Variants in SIX3 observed in about 807,000 individuals in gnomAD.
SIX3 encodes the protein SIX homeobox 3.
SIX3 carries 2 observed loss-of-function variants against 21.7 expected under a neutral mutation model. The ratio of observed to expected loss-of-function variants is 0.09; its 90% CI spans 0.04 to 0.29. The LOEUF (loss-of-function observed/expected upper bound fraction) is 0.29, where lower values mean the gene tolerates loss of function less well. Ranked by LOEUF, SIX3 falls within the 10% of genes least tolerant of loss-of-function variation. SIX3 has a pLI of 1.00. For synonymous variants in SIX3, 243 were observed against 220.6 expected (o/e 1.10, Z -0.90); for missense variants, 347 against 480.7 (o/e 0.72, Z 2.60).
At position 44,945,018 on chromosome 2, in the gene SIX3, C is replaced by T; in HGVS notation, c.*258C>T. 1 of 566,362 alleles carries T rather than the reference C, an allele frequency of 1.8e-6. No homozygotes were observed. The highest frequency in any genetic ancestry group is 1.9e-5 in the African/African-American group (1 of 53,128). The allele number at this position is 566,362 out of a possible 1,614,324, so 35.1% of individuals were successfully genotyped here. ...AACCACCATCTACCACTACGGCCAC[C>T]CCAAAGGACCCCGACGCCAACAGAC... On this transcript the variant is annotated 3_prime_UTR_variant, in exon 2 of 2. Coordinates refer to ENST00000260653, the MANE Select transcript of SIX3 (RefSeq NM_005413.4).
At chr2:44,944,460 C>T (rs1237345156) in intron 1 of SIX3, 108 bp from the exon 2 acceptor site, 1 of 1,296,154 alleles carries the variant, frequency 7.7e-7, no homozygotes, top group East Asian at 2.5e-5. Context: ...CAGCCTCTAT[C>T]TGAGAAGACT....
Position 44,942,283 on chromosome 2 carries a change from G to A in SIX3, c.179G>A (p.Gly60Asp). 1 of 1,546,520 alleles carries A rather than the reference G, an allele frequency of 6.5e-7. No homozygotes were observed. Among genetic ancestry groups the A allele is most frequent in the Non-Finnish European group, 8.7e-7 (1 of 1,152,904 alleles). Residue 60 changes from glycine (G) to aspartate (D), a missense_variant, in exon 1 of 2, where the codon GGC becomes GAC. By Grantham distance (94) the Gly-to-Asp change is moderately conservative (BLOSUM62 -1). Transcript: ENST00000260653. This position sits in a 1 kb window ranked among gnomAD's most constrained non-coding sequence, Gnocchi z 8.4. ...GGNGAGGGGA[G>D]GAGGGGGGGS... is the part of the protein sequence containing the mutation. ...AACGGTGCGGGAGGCGGCGGTGCTGGCGGAGCAGGCGGCGGCGGCGGCGGC... is the reference window on the plus strand; with the variant it reads ...AACGGTGCGGGAGGCGGCGGTGCTGACGGAGCAGGCGGCGGCGGCGGCGGC...
In SIX3 at chr2:44,942,382, C is replaced by T. The variant is rs751652441; in HGVS notation, c.278C>T (p.Ala93Val). The change falls in exon 1 of 2, where the codon GCC becomes GTC. Residue 93 changes from alanine to valine, a missense_variant. Around this residue, in one of 4 missense-constraint regions of SIX3, gnomAD observed 117 missense variants for 205.9 expected, o/e 0.57. Transcript: ENST00000260653. The surrounding 1 kb of genome is among the most constrained non-coding windows in gnomAD (Gnocchi z 8.4). ...CTCAACTTCTCGCCGGAGCAGGTGG[C>T]CAGCGTCTGTGAGACGCTGGAGGAG... Reference protein sequence around the residue: ...PTLNFSPEQVASVCETLEETG... With the variant: ...PTLNFSPEQVVSVCETLEETG... 9 of 1,596,864 alleles carry T rather than the reference C, an allele frequency of 5.6e-6. No homozygotes were observed. The highest frequency in any genetic ancestry group is 7.6e-6 in the Non-Finnish European group (9 of 1,179,150).
chr2:44,944,489 G>A, intron 1 of SIX3, 79 bp from the exon 2 acceptor site: 1 of 1,453,402 alleles, frequency 6.9e-7, no homozygotes, highest in South Asian at 1.2e-5. Flanking sequence ...TCCCGAAAGC[G>A]GAATGGGGAG....
Position 44,942,146 on chromosome 2 carries a change from C to T in SIX3, c.42C>T (p.Phe14=), listed in dbSNP as rs772181424. Residue 14 remains phenylalanine (F), a synonymous_variant, in exon 1 of 2, where the codon TTC becomes TTT. Coordinates refer to ENST00000260653, the MANE Select transcript of SIX3 (RefSeq NM_005413.4). The surrounding 1 kb of genome is among the most constrained non-coding windows in gnomAD (Gnocchi z 8.4). ...CCCTAGACCTCTATTCCTCCCACTTCTTGTTGCCAAACTTCGCCGATTCTC... is the reference window on the plus strand; with the variant it reads ...CCCTAGACCTCTATTCCTCCCACTTTTTGTTGCCAAACTTCGCCGATTCTC... ...RSPLDLYSSH[F]LLPNFADSHH... 173 of 1,598,266 alleles carry T rather than the reference C, an allele frequency of 1.1e-4. No individual in the cohort carries two copies. Among genetic ancestry groups the T allele is most frequent in the Non-Finnish European group, 1.4e-4 (163 of 1,179,422 alleles).
chr2:44,941,783 G>C lies in SIX3; in HGVS notation c.-322G>C, dbSNP rs1666573453. ...CGGTGGAATCGCTGAATCTTGACTCGGCGGTGGTTGGCTCTCCCTCTCCTC... is the reference window on the plus strand; with the variant it reads ...CGGTGGAATCGCTGAATCTTGACTCCGCGGTGGTTGGCTCTCCCTCTCCTC... On this transcript the variant is annotated 5_prime_UTR_variant, in exon 1 of 2. Coordinates refer to ENST00000260653, the MANE Select transcript of SIX3 (RefSeq NM_005413.4). 3.1e-6 allele frequency: 1 copy of C among 326,518 alleles called. No homozygotes were observed. The highest frequency in any genetic ancestry group is 5.9e-6 in the Non-Finnish European group (1 of 169,862). The allele number at this position is 326,518 out of a possible 1,614,324, so 20.2% of individuals were successfully genotyped here.
rs929652888 is a variant in SIX3 at position 44,944,777 on chromosome 2, C to T, written c.*17C>T. 2 of 1,547,730 alleles carry T rather than the reference C, an allele frequency of 1.3e-6. No individual in the cohort carries two copies. The highest frequency in any genetic ancestry group is 1.7e-6 in the Non-Finnish European group (2 of 1,147,210). Reference sequence around the variant, plus strand: ...GATGTATGATAGCCAAGGCCGCCCTCCTCCCTCTCCTTCCCCTCCTCCCCC... The same window carrying T: ...GATGTATGATAGCCAAGGCCGCCCTTCTCCCTCTCCTTCCCCTCCTCCCCC... On this transcript the variant is annotated 3_prime_UTR_variant, in exon 2 of 2. Coordinates refer to ENST00000260653, the MANE Select transcript of SIX3 (RefSeq NM_005413.4).
At chr2:44,943,729 G>T (rs1666632284) in intron 1 of SIX3, among the ~76,000 whole-genome samples, 1 of 152,352 alleles carries the variant, frequency 6.6e-6, no homozygotes, top group African/African-American at 2.4e-5. Flanking sequence ...AAGAAAAGAG[G>T]AAGTTGGGTG....
chr2:44,941,987 T>C lies in SIX3; in HGVS notation c.-118T>C. 1.6e-6 allele frequency: 1 copy of C among 634,630 alleles called. No homozygotes were observed. The highest frequency in any genetic ancestry group is 2.8e-6 in the Non-Finnish European group (1 of 354,412). The allele number at this position is 634,630 out of a possible 1,614,324, so 39.3% of individuals were successfully genotyped here. A position where few individuals can be genotyped will look rare whatever the true frequency, so the allele number is the denominator to read the frequency against. On this transcript the variant is annotated 5_prime_UTR_variant, in exon 1 of 2. Transcript: ENST00000260653. ...CTCCTCCTCCTGCTCCCCCCTCCTT[T>C]CCTTCTCCTCCTCCCCCCTCTCCTC...
chr2:44,942,086 T>G lies in SIX3; in HGVS notation c.-19T>G. 1 of 1,572,336 alleles carries G rather than the reference T, an allele frequency of 6.4e-7. No individual in the cohort carries two copies. Among genetic ancestry groups the G allele is most frequent in the Non-Finnish European group, 8.6e-7 (1 of 1,161,330 alleles). ...CTCTTCCTCTCCCTGAATTTTCTCC[T>G]CTCCTCTCAGGTCAGTCCATGGTAT... On this transcript the variant is annotated 5_prime_UTR_variant, in exon 1 of 2. Transcript: ENST00000260653. The surrounding 1 kb of genome is among the most constrained non-coding windows in gnomAD (Gnocchi z 8.4).
At position 44,942,923 on chromosome 2, in the gene SIX3, GC is replaced by G. The variant is rs757727523; in HGVS notation, c.806+16del. On this transcript the variant is annotated intron_variant, in intron 1 of 1. Coordinates refer to ENST00000260653, the MANE Select transcript of SIX3 (RefSeq NM_005413.4). This position sits in a 1 kb window ranked among gnomAD's most constrained non-coding sequence, Gnocchi z 8.4. ...CGGCCAAGAACAGGTTAGTGGCGGG[GC>G]CCGCGGCCTGGCTACAGCCTCAGAG... 1.3e-6 allele frequency: 2 copies of G among 1,594,798 alleles called. No homozygotes were observed. Among genetic ancestry groups the G allele is most frequent in the Non-Finnish European group, 1.7e-6 (2 of 1,178,132 alleles).
intron 1 of SIX3, 85 bp from the exon 2 acceptor site, chr2:44,944,483 G>T: frequency 7.0e-7 from 1 of 1,437,436 alleles, no homozygotes; most frequent in Non-Finnish European, 9.4e-7. Context: ...GGATGCTCCC[G>T]AAAGCGGAAT....
Position 44,943,034 on chromosome 2 carries a change from GA to G in SIX3, c.806+127del. The G allele has an allele frequency of 2.1e-6, 3 of 1,427,144 alleles. 1 individual carries two copies. Among genetic ancestry groups the G allele is most frequent in the Middle Eastern group, 2.1e-4 (1 of 4,712 alleles). 88.4% of individuals were successfully genotyped at this position (1,427,144 alleles called of 1,614,324 possible). A position where few individuals can be genotyped will look rare whatever the true frequency, so the allele number is the denominator to read the frequency against. On this transcript the variant is annotated intron_variant, in intron 1 of 1. Coordinates refer to ENST00000260653, the MANE Select transcript of SIX3 (RefSeq NM_005413.4). Reference sequence around the variant, plus strand: ...AAGCCGTGACTCCTGGCCAGTCGGAGAAAGTTTCCGCTTGTCCGGGACGCGC... The same window carrying G: ...AAGCCGTGACTCCTGGCCAGTCGGAGAAGTTTCCGCTTGTCCGGGACGCGC...
Position 44,941,969 on chromosome 2 carries a change from T to A in SIX3, c.-136T>A. 1 of 700,208 alleles carries A rather than the reference T, an allele frequency of 1.4e-6. No individual in the cohort carries two copies. The highest frequency in any genetic ancestry group is 1.9e-5 in the Admixed American group (1 of 53,696). 43.4% of individuals were successfully genotyped at this position (700,208 alleles called of 1,614,324 possible). ...ACGCCCTTCCTCCTCTCCCTCCTCC[T>A]CCTGCTCCCCCCTCCTTTCCTTCTC... On this transcript the variant is annotated 5_prime_UTR_variant, in exon 1 of 2. Coordinates refer to ENST00000260653, the MANE Select transcript of SIX3 (RefSeq NM_005413.4).
intron 1 of SIX3, 151 bp downstream of exon 1, chr2:44,943,061 G>C: frequency 7.6e-7 from 1 of 1,320,292 alleles, no homozygotes; most frequent in Non-Finnish European, 1.0e-6. Context: ...CGGGACGCGC[G>C]GAAGAGGGGG....
In SIX3 at chr2:44,945,374, A is replaced by G. The variant is rs1666673939; in HGVS notation, c.*614A>G. On this transcript the variant is annotated 3_prime_UTR_variant, in exon 2 of 2. Transcript: ENST00000260653. ...AAAAAAAAAAAAAGAACTCCTGGAG[A>G]GGGAAATAGCAAATGTGTCTTGCCT... The G allele has an allele frequency of 7.4e-6, 1 of 134,656 alleles. No individual in the cohort carries two copies. The allele number at this position is 134,656 out of a possible 1,614,324, so 8.3% of individuals were successfully genotyped here.
At chr2:44,944,364 T>G (rs1334199405) in intron 1 of SIX3, among the ~76,000 whole-genome samples, 2 of 152,208 alleles carry the variant, frequency 1.3e-5, no homozygotes, top group Middle Eastern at 6.3e-3. Context: ...CTCCGACTTC[T>G]GCTTCTCCAG....
chr2:44,942,705 C>G lies in SIX3; in HGVS notation c.601C>G (p.Arg201Gly). 1 of 1,602,622 alleles carries G rather than the reference C, an allele frequency of 6.2e-7. No homozygotes were observed. Among genetic ancestry groups the G allele is most frequent in the Non-Finnish European group, 8.5e-7 (1 of 1,179,836 alleles). ...YRVRKKFPLP[R>G]TIWDGEQKTH... The stretch of plus-strand genomic sequence containing the variant: ...CGTGCGCAAGAAGTTCCCGCTGCCA[C>G]GCACCATCTGGGACGGCGAGCAGAA... The change falls in exon 1 of 2, where the codon CGC becomes GGC. Residue 201 changes from arginine to glycine, a missense_variant. By Grantham distance (125) the Arg-to-Gly change is moderately radical (BLOSUM62 -2). Coordinates refer to ENST00000260653, the MANE Select transcript of SIX3 (RefSeq NM_005413.4). This position sits in a 1 kb window ranked among gnomAD's most constrained non-coding sequence, Gnocchi z 8.4.
Position 44,945,109 on chromosome 2 carries a change from A to G in SIX3, c.*349A>G. On this transcript the variant is annotated 3_prime_UTR_variant, in exon 2 of 2. Coordinates refer to ENST00000260653, the MANE Select transcript of SIX3 (RefSeq NM_005413.4). ...TGACAATTGTATACTTTCTAGGACAAGCACGGCTTCTCCTTTCGGTTCCCA... is the reference window on the plus strand; with the variant it reads ...TGACAATTGTATACTTTCTAGGACAGGCACGGCTTCTCCTTTCGGTTCCCA... 3.0e-6 allele frequency: 1 copy of G among 328,062 alleles called. No homozygotes were observed. Among genetic ancestry groups the G allele is most frequent in the Non-Finnish European group, 5.7e-6 (1 of 176,360 alleles). The allele number at this position is 328,062 out of a possible 1,614,324, so 20.3% of individuals were successfully genotyped here.
Sources: gnomAD v4.1 joint callset for allele counts (sites outside exome capture counted in the v4.1 genomes callset) on GRCh38, gnomAD v4.1.1 for gene constraint, gnomAD v4.1.1 regional missense constraint, Gnocchi (gnomAD v3.1) non-coding constraint, MANE v1.5 for transcripts, NCBI Gene and HGNC (gene_info 2026-07-23, HGNC 2026-07-21) for gene names.